Variants in JMY observed in about 807,000 individuals in gnomAD.
The protein encoded by JMY is junction-mediating and -regulatory protein.
In JMY, 46 loss-of-function variants were observed where a neutral mutation model predicts 103.3. The observed-to-expected ratio is 0.45, with a 90% CI of 0.35 to 0.57. The LOEUF is 0.57. Ranked by LOEUF, JMY falls within the 20% of genes least tolerant of loss-of-function variation. The probability of loss-of-function intolerance (pLI) is 0.00; values close to 1 mark genes in which losing one functional copy is unlikely to be tolerated. For missense variants in JMY, 1,238 were observed against 1,255.2 expected (o/e 0.99, Z 0.21); for synonymous variants, 526 against 489.3 (o/e 1.07, Z -0.99).
In JMY at chr5:79,281,816, G is replaced by C. The variant is rs553165670; in HGVS notation, c.1206+3733G>C. ...TGACCACTCTAAATGGATTCACTTGGTTGTATATAAATTAAGCCATAGTAA... is the reference window on the plus strand; with the variant it reads ...TGACCACTCTAAATGGATTCACTTGCTTGTATATAAATTAAGCCATAGTAA... On this transcript the variant is annotated intron_variant, in intron 2 of 10. Coordinates refer to ENST00000396137, the MANE Select transcript of JMY (RefSeq NM_152405.5). 1.6e-4 allele frequency among the ~76,000 whole-genome samples: 24 copies of C among 152,262 alleles called. No individual in the cohort carries two copies. The South Asian group carries it at 4.6e-3, about 29-fold the overall frequency.
In JMY at chr5:79,306,396, A is replaced by C. The variant is rs778324261; in HGVS notation, c.1903A>C (p.Asn635His). ...ACAGGAAATATGTATTGCAAAACAC[A>C]ATGAAAAAATCCAACAGCGCACTCG... ...NKKEICIAKH[N>H]EKIQQRTRIE... Residue 635 changes from asparagine to histidine, a missense_variant, in exon 7 of 11, where the codon AAT becomes CAT. Transcript: ENST00000396137. The C allele has an allele frequency of 1.2e-6, 2 of 1,612,520 alleles. No individual in the cohort carries two copies. Among genetic ancestry groups the C allele is most frequent in the Non-Finnish European group, 1.7e-6 (2 of 1,178,686 alleles).
chr5:79,292,750 G>C (rs961851681), intron 4 of JMY, among the ~76,000 whole-genome samples: 1 of 152,138 alleles, frequency 6.6e-6, no homozygotes, highest in Non-Finnish European at 1.5e-5. Context: ...GAGTAGTAGA[G>C]GAAAAACGAG....
chr5:79,238,564 C>T (rs1206477322), intron 1 of JMY, among the ~76,000 whole-genome samples: 2 of 151,682 alleles, frequency 1.3e-5, no homozygotes, highest in East Asian at 3.9e-4. Flanking sequence ...TACTACTACA[C>T]GTAGTTTCTC....
At chr5:79,272,127 AAAG>A (rs200816089) in intron 1 of JMY, among the ~76,000 whole-genome samples, 3,014 of 151,872 alleles carry the variant, frequency 0.02, 42 homozygotes, top group Admixed American at 0.03. Context: ...AAAAAAAAAA[AAAG>A]AAGTTCTGCA....
rs572017042 is a variant in JMY, at chr5:79,248,162, A to AT, written c.1032+10482dup. ...CACCTCGGCCTCCCAAAGTGCTGGGATTACAGGCGTGAGCCACCGCATCTG... is the reference window on the plus strand; with the variant it reads ...CACCTCGGCCTCCCAAAGTGCTGGGATTTACAGGCGTGAGCCACCGCATCTG... On this transcript the variant is annotated intron_variant, in intron 1 of 10. Coordinates refer to ENST00000396137, the MANE Select transcript of JMY (RefSeq NM_152405.5). 3.3e-4 allele frequency among the ~76,000 whole-genome samples: 50 copies of AT among 152,054 alleles called. 1 individual carries two copies. In the East Asian group the frequency reaches 8.9e-3, roughly 27 times the overall value.
intron 3 of JMY, among the ~76,000 whole-genome samples, chr5:79,290,630 T>C (rs547271102): frequency 6.6e-6 from 1 of 152,312 alleles, no homozygotes; most frequent in South Asian, 2.1e-4. Flanking sequence ...GTGTTTTAAC[T>C]GCAGAACGTT....
intron 1 of JMY, among the ~76,000 whole-genome samples, chr5:79,239,903 T>A (rs1180618631): frequency 1.3e-5 from 2 of 151,958 alleles, no homozygotes; most frequent in African/African-American, 4.8e-5. Flanking sequence ...TCAAAAAATA[T>A]AATTTTCTAG....
chr5:79,249,009 C>T (rs923269169), intron 1 of JMY, among the ~76,000 whole-genome samples: 33 of 151,892 alleles, frequency 2.2e-4, no homozygotes, highest in African/African-American at 7.2e-4. Context: ...CTTATCCTCC[C>T]GCCTTGCCCT....
chr5:79,268,310 A>G (rs1158149007), intron 1 of JMY, among the ~76,000 whole-genome samples: 2 of 152,156 alleles, frequency 1.3e-5, no homozygotes, highest in East Asian at 3.8e-4. Flanking sequence ...ATGTAGCTGT[A>G]CAGTTGCATT....
chr5:79,316,101 G>A lies in JMY; in HGVS notation c.2761G>A (p.Asp921Asn). Residue 921 changes from aspartate (D) to asparagine (N), a missense_variant, in exon 10 of 11, where the codon GAT becomes AAT. By Grantham distance (23) the Asp-to-Asn change is conservative. Transcript: ENST00000396137. Reference sequence around the variant, plus strand: ...TCTGCCTCCTTTTCCTGATGAAGATGATAGTAATAATATCTTGGCACAAAT... The same window carrying A: ...TCTGCCTCCTTTTCCTGATGAAGATAATAGTAATAATATCTTGGCACAAAT... ...RTLPPFPDED[D>N]SNNILAQIRK... 6.2e-7 allele frequency: 1 copy of A among 1,613,860 alleles called. No homozygotes were observed. Among genetic ancestry groups the A allele is most frequent in the Non-Finnish European group, 8.5e-7 (1 of 1,179,716 alleles).
At position 79,291,109 on chromosome 5, in the gene JMY, TC is replaced by T. The variant is rs770814042; in HGVS notation, c.1358-20del. On this transcript the variant is annotated intron_variant, in intron 3 of 10. Transcript: ENST00000396137. ...TTAAGTTGTTATTTGTCTTAATTTC[TC>T]TTTAAAAAATTATTAATAGCTGTGT... 1 of 1,518,850 alleles carries T rather than the reference TC, an allele frequency of 6.6e-7. No individual in the cohort carries two copies. Among genetic ancestry groups the T allele is most frequent in the East Asian group, 2.3e-5 (1 of 42,862 alleles). The allele number at this position is 1,518,850 out of a possible 1,614,324, so 94.1% of individuals were successfully genotyped here.
At chr5:79,289,913 G>A (rs1746374021) in intron 2 of JMY, among the ~76,000 whole-genome samples, 1 of 152,104 alleles carries the variant, frequency 6.6e-6, no homozygotes, top group Admixed American at 6.5e-5. Flanking sequence ...GGAGTGAGAG[G>A]GGGATGGAAG....
At chr5:79,248,922 C>T (rs1406854238) in intron 1 of JMY, among the ~76,000 whole-genome samples, 1 of 152,042 alleles carries the variant, frequency 6.6e-6, no homozygotes, top group Non-Finnish European at 1.5e-5. Flanking sequence ...CCACGTCTGG[C>T]TGACTTTTTA....
chr5:79,271,058 G>T (rs1745769579), intron 1 of JMY, among the ~76,000 whole-genome samples: 1 of 151,976 alleles, frequency 6.6e-6, no homozygotes, highest in Admixed American at 6.6e-5. Flanking sequence ...CTGTGCTAAT[G>T]GGAGATGTCA....
rs1286302949 is a variant in JMY at position 79,323,737 on chromosome 5, T to A, written c.*2135T>A. 3 of 152,202 alleles carry A rather than the reference T, an allele frequency of 2.0e-5. No homozygotes were observed. Among genetic ancestry groups the A allele is most frequent in the African/African-American group, 7.2e-5 (3 of 41,452 alleles). The allele number at this position is 152,202 out of a possible 1,614,324, so 9.4% of individuals were successfully genotyped here. On this transcript the variant is annotated 3_prime_UTR_variant, in exon 11 of 11. Coordinates refer to ENST00000396137, the MANE Select transcript of JMY (RefSeq NM_152405.5). ...AGGGAATTTGCTACTCTTTTACTTT[T>A]GGGATTTCATTATAAAATAGGCTCA...
At chr5:79,278,714 T>C (rs1016417616) in intron 2 of JMY, among the ~76,000 whole-genome samples, 2 of 150,020 alleles carry the variant, frequency 1.3e-5, no homozygotes, top group Non-Finnish European at 1.5e-5. Flanking sequence ...ATGGCTGCAA[T>C]GAGCCATGAT....
rs1023567386 is a variant in JMY at position 79,325,028 on chromosome 5, G to A, written c.*3426G>A. 1 of 152,626 alleles carries A rather than the reference G, an allele frequency of 6.6e-6. No homozygotes were observed. Among genetic ancestry groups the A allele is most frequent in the Non-Finnish European group, 1.5e-5 (1 of 68,034 alleles). The allele number at this position is 152,626 out of a possible 1,614,324, so 9.5% of individuals were successfully genotyped here. A position where few individuals can be genotyped will look rare whatever the true frequency, so the allele number is the denominator to read the frequency against. ...ATACTTGGGCCATAGTAGACACTAA[G>A]AATTAAAACTCTTAAATCAGTGAAA... is the stretch of plus-strand genomic sequence containing the variant. On this transcript the variant is annotated 3_prime_UTR_variant, in exon 11 of 11. Transcript: ENST00000396137.
At position 79,236,419 on chromosome 5, in the gene JMY, G is replaced by A. The variant is rs1036403122; in HGVS notation, c.-232G>A. Reference sequence around the variant, plus strand: ...AACAGATCCGGCCGCAGGTGACCATGTGAACTACCTGCTCCCGGGACGCTT... The same window carrying A: ...AACAGATCCGGCCGCAGGTGACCATATGAACTACCTGCTCCCGGGACGCTT... On this transcript the variant is annotated 5_prime_UTR_variant, in exon 1 of 11. In the 5' UTR this introduces an upstream ATG that the reference lacks. Coordinates refer to ENST00000396137, the MANE Select transcript of JMY (RefSeq NM_152405.5). The A allele has an allele frequency of 2.7e-6, 1 of 372,678 alleles. No individual in the cohort carries two copies. Among genetic ancestry groups the A allele is most frequent in the Admixed American group, 4.7e-5 (1 of 21,412 alleles). 23.1% of individuals were successfully genotyped at this position (372,678 alleles called of 1,614,324 possible).
chr5:79,293,071 G>A (rs1326700860), intron 4 of JMY, among the ~76,000 whole-genome samples: 1 of 152,106 alleles, frequency 6.6e-6, no homozygotes, highest in Non-Finnish European at 1.5e-5. Flanking sequence ...TTCTTTGCCA[G>A]TAGAGGTTTT....
Sources: allele counts gnomAD v4.1 joint callset (sites outside exome capture counted in the v4.1 genomes callset), GRCh38; gene constraint gnomAD v4.1.1; transcripts MANE v1.5; gene names NCBI Gene and HGNC (gene_info 2026-07-23, HGNC 2026-07-21).